The following GRIP1 variants were observed in gnomAD, a reference collection of about 807,000 sequenced individuals.
The protein encoded by GRIP1 is glutamate receptor interacting protein 1.
GRIP1 carries 45 observed loss-of-function variants against 129.9 expected under a neutral mutation model. The ratio of observed to expected loss-of-function variants is 0.35; its 90% CI spans 0.27 to 0.44. GRIP1 has a LOEUF of 0.44. Among genes scored for constraint, GRIP1 ranks in the 20% least tolerant of loss-of-function variants. The pLI is 1.00. For missense variants in GRIP1, 1,196 were observed against 1,396.8 expected (o/e 0.86, Z 2.29); for synonymous variants, 530 against 520.8 (o/e 1.02, Z -0.24).
intron 16 of GRIP1, among the ~76,000 whole-genome samples, chr12:66,400,951 T>C (rs1019096943): frequency 2.0e-5 from 3 of 152,044 alleles, no homozygotes; most frequent in Non-Finnish European, 4.4e-5. Flanking sequence ...TCAAGAGGAT[T>C]ATTTGCATTG....
chr12:66,409,429 C>T (rs1438875735), intron 15 of GRIP1, among the ~76,000 whole-genome samples: 1 of 152,206 alleles, frequency 6.6e-6, no homozygotes, highest in East Asian at 1.9e-4. Flanking sequence ...ACCACCAAGG[C>T]AGTATTTTTG....
At chr12:66,857,061 G>A (rs528369229) in intron 1 of GRIP1, among the ~76,000 whole-genome samples, 12 of 151,952 alleles carry the variant, frequency 7.9e-5, no homozygotes, top group Non-Finnish European at 1.0e-4. Context: ...TGATGAGTTC[G>A]TGTCCTTTGT....
At chr12:66,655,545 G>A (rs2033096736) in intron 1 of GRIP1, among the ~76,000 whole-genome samples, 1 of 151,236 alleles carries the variant, frequency 6.6e-6, no homozygotes, top group Non-Finnish European at 1.5e-5. Flanking sequence ...CTATGAGTTT[G>A]GACAAATGTA....
chr12:66,897,474 A>G (rs570437434), intron 1 of GRIP1, among the ~76,000 whole-genome samples: 1 of 152,344 alleles, frequency 6.6e-6, no homozygotes, highest in Admixed American at 6.5e-5. Context: ...GGTCAGAAAA[A>G]TACAATGTTC....
At chr12:66,993,177 C>A (rs2042419525) in intron 1 of GRIP1, among the ~76,000 whole-genome samples, 1 of 150,364 alleles carries the variant, frequency 6.7e-6, no homozygotes, top group Non-Finnish European at 1.5e-5. Context: ...TTAAAATATA[C>A]CAAAAACTAT....
chr12:66,935,407 G>C (rs913866178), intron 1 of GRIP1, among the ~76,000 whole-genome samples: 1 of 151,950 alleles, frequency 6.6e-6, no homozygotes, highest in African/African-American at 2.4e-5. Context: ...CTCATGGTAG[G>C]CCCCTAGATA....
At chr12:66,609,995 A>G (rs10878464) in intron 1 of GRIP1, among the ~76,000 whole-genome samples, 58,313 of 151,784 alleles carry the variant, frequency 0.38, 11,442 homozygotes, top group African/African-American at 0.42. Context: ...TCAGCCATGT[A>G]TTTTGCCTTA....
At chr12:66,768,470 A>G (rs2037715160) in intron 1 of GRIP1, among the ~76,000 whole-genome samples, 2 of 152,224 alleles carry the variant, frequency 1.3e-5, no homozygotes, top group African/African-American at 2.4e-5. Flanking sequence ...TTGCCAATAC[A>G]GATGACGCAC....
At chr12:66,893,646 T>C (rs1592934667) in intron 1 of GRIP1, among the ~76,000 whole-genome samples, 3 of 152,310 alleles carry the variant, frequency 2.0e-5, no homozygotes, top group Non-Finnish European at 4.4e-5. Flanking sequence ...TTTGGGACTA[T>C]TACAAATAAA....
chr12:66,804,437 TA>T (rs1019417585), upstream of GRIP1, among the ~76,000 whole-genome samples: 23 of 148,878 alleles, frequency 1.5e-4, no homozygotes, highest in Admixed American at 5.3e-4. Flanking sequence ...GTAATTTTTT[TA>T]AAAAAAAAAG....
intron 1 of GRIP1, among the ~76,000 whole-genome samples, chr12:66,908,794 T>C (rs2137302484): frequency 6.6e-6 from 1 of 152,342 alleles, no homozygotes; most frequent in Non-Finnish European, 1.5e-5. Flanking sequence ...CATAAAAATG[T>C]CTTCATTGCA....
chr12:67,003,654 T>C (rs1592453903), intron 1 of GRIP1, among the ~76,000 whole-genome samples: 2 of 151,698 alleles, frequency 1.3e-5, no homozygotes, highest in South Asian at 2.1e-4. Flanking sequence ...GATTGCGCCA[T>C]TGCACTCCAG....
At chr12:67,021,252 T>C (rs1304843384) in intron 1 of GRIP1, among the ~76,000 whole-genome samples, 2 of 152,128 alleles carry the variant, frequency 1.3e-5, no homozygotes, top group Non-Finnish European at 2.9e-5. Flanking sequence ...TTACTTTTTG[T>C]TGGTCTCTTT....
intron 5 of GRIP1, among the ~76,000 whole-genome samples, chr12:66,526,198 C>T (rs923502164): frequency 6.7e-6 from 1 of 150,074 alleles, no homozygotes; most frequent in Admixed American, 6.6e-5. Context: ...CATATGGAAC[C>T]AAAAAAGAGC....
chr12:66,575,885 T>C (rs1042874960), intron 2 of GRIP1, among the ~76,000 whole-genome samples: 4 of 152,206 alleles, frequency 2.6e-5, no homozygotes, highest in African/African-American at 7.2e-5. Flanking sequence ...AGAAACCTTA[T>C]GCCAAAGGTA....
At chr12:66,792,975 TGTAA>T (rs926201461) in intron 1 of GRIP1, among the ~76,000 whole-genome samples, 1 of 152,186 alleles carries the variant, frequency 6.6e-6, no homozygotes, top group South Asian at 2.1e-4. Context: ...AAATTTGATA[TGTAA>T]GTATTTACTT....
chr12:66,878,435 A>G (rs1360697231), intron 1 of GRIP1, among the ~76,000 whole-genome samples: 1 of 151,920 alleles, frequency 6.6e-6, no homozygotes, highest in Non-Finnish European at 1.5e-5. Context: ...GTACTCCAGG[A>G]AGAAGAAATA....
intron 23 of GRIP1, among the ~76,000 whole-genome samples, chr12:66,358,131 T>C (rs2054580152): frequency 6.6e-6 from 1 of 152,234 alleles, no homozygotes; most frequent in South Asian, 2.1e-4. Context: ...TGATCTCAAG[T>C]GATCTGCACA....
intron 1 of GRIP1, among the ~76,000 whole-genome samples, chr12:66,785,946 G>T (rs1291494956): frequency 6.6e-6 from 1 of 152,094 alleles, no homozygotes; most frequent in East Asian, 1.9e-4. Context: ...AGCCGGGCAT[G>T]GTGGCATGCA....
Sources: allele counts gnomAD v4.1 joint callset (sites outside exome capture counted in the v4.1 genomes callset), GRCh38; gene constraint gnomAD v4.1.1; transcripts MANE v1.5; gene names NCBI Gene and HGNC (gene_info 2026-07-23, HGNC 2026-07-21).